The following MTAP variants were observed in gnomAD, a reference collection of about 807,000 sequenced individuals.
MTAP encodes methylthioadenosine phosphorylase.
MTAP carries 33 observed loss-of-function variants against 33.6 expected under a neutral mutation model. That is an observed-to-expected ratio of 0.98 (90% CI 0.74 to 1.31). The LOEUF is 1.31. Among genes scored for constraint, MTAP ranks in the 40% most tolerant of loss-of-function variants. MTAP has a pLI of 0.00. For synonymous variants in MTAP, 148 were observed against 125.7 expected, an observed-to-expected ratio of 1.18 and a Z score of -1.19; for missense variants, 367 against 360.0, an observed-to-expected ratio of 1.02 and a Z score of -0.16.
At chr9:21,886,505 C>G (rs763720593) in intron 1 of MTAP, among the ~76,000 whole-genome samples, 17 of 152,118 alleles carry the variant, frequency 1.1e-4, no homozygotes, top group Non-Finnish European at 2.2e-4. Context: ...CTTTTGGGTT[C>G]TTCGTCATGA....
At chr9:21,803,501 T>C (rs1824123266) in intron 1 of MTAP, 1 of 152,212 alleles carries the variant, frequency 6.6e-6, no homozygotes, top group Admixed American at 6.6e-5. Flanking sequence ...TAGAGTTCAA[T>C]TTCCTTGTGC....
intron 1 of MTAP, among the ~76,000 whole-genome samples, chr9:21,903,784 C>T (rs1292557681): frequency 6.6e-6 from 1 of 152,068 alleles, no homozygotes; most frequent in East Asian, 1.9e-4. Context: ...TGCGGAGCTC[C>T]GACCCCATGG....
At chr9:21,808,605 AACACAC>A (rs567662513) in intron 1 of MTAP, among the ~76,000 whole-genome samples, 3 of 146,914 alleles carry the variant, frequency 2.0e-5, no homozygotes, top group East Asian at 2.0e-4. Flanking sequence ...AAAAAAAAAA[AACACAC>A]ACACACACAC....
In MTAP at chr9:21,864,396, T is replaced by G; in HGVS notation, c.*2382T>G. On this transcript the variant is annotated 3_prime_UTR_variant, in exon 8 of 8. Coordinates refer to ENST00000644715, the MANE Select transcript of MTAP (RefSeq NM_002451.4). ...CTAGTATACTAAGTGAACACCATGG[T>G]CAGTTGTGAGCATTTTGGTTTCCGC... is the stretch of plus-strand genomic sequence containing the variant. 1.0e-6 allele frequency: 1 copy of G among 985,250 alleles called. No individual in the cohort carries two copies. Among genetic ancestry groups the G allele is most frequent in the Non-Finnish European group, 1.2e-6 (1 of 829,894 alleles). The allele number at this position is 985,250 out of a possible 1,614,324, so 61.0% of individuals were successfully genotyped here. A position where few individuals can be genotyped will look rare whatever the true frequency, so the allele number is the denominator to read the frequency against.
At chr9:21,823,876 C>A (rs944835652) in intron 4 of MTAP, among the ~76,000 whole-genome samples, 5 of 152,182 alleles carry the variant, frequency 3.3e-5, no homozygotes. Flanking sequence ...ATCACTGATA[C>A]CCTTTCTTCC....
chr9:21,831,112 A>C (rs1260141366), intron 4 of MTAP, among the ~76,000 whole-genome samples: 1 of 152,140 alleles, frequency 6.6e-6, no homozygotes, highest in East Asian at 1.9e-4. Context: ...ATTCATTTGT[A>C]TGTATGGCAG....
rs1358844452 is a variant in MTAP, at chr9:21,862,727, G to A, written c.*713G>A. 1.3e-5 allele frequency: 2 copies of A among 159,574 alleles called. No individual in the cohort carries two copies. Among genetic ancestry groups the A allele is most frequent in the East Asian group, 3.8e-4 (2 of 5,212 alleles). The allele number at this position is 159,574 out of a possible 1,614,324, so 9.9% of individuals were successfully genotyped here. A position where few individuals can be genotyped will look rare whatever the true frequency, so the allele number is the denominator to read the frequency against. ...TTGCTCTATATATGAAGTGAAAAAA[G>A]GATATGGTAGCATTTTATAGTACTA... On this transcript the variant is annotated 3_prime_UTR_variant, in exon 8 of 8. Transcript: ENST00000644715.
chr9:21,874,837 T>C (rs1825983013), intron 1 of MTAP, among the ~76,000 whole-genome samples: 1 of 152,062 alleles, frequency 6.6e-6, no homozygotes, highest in South Asian at 2.1e-4. Flanking sequence ...CCTAATGCTA[T>C]CCCTCCCCTA....
intron 1 of MTAP, among the ~76,000 whole-genome samples, chr9:21,875,924 T>C (rs960991744): frequency 6.6e-5 from 10 of 152,182 alleles, no homozygotes; most frequent in Admixed American, 3.3e-4. Context: ...ATGGTAGTTC[T>C]ATTTTTAGCT....
chr9:21,934,106 A>C (rs1819005673), downstream of MTAP: 1 of 152,188 alleles, frequency 6.6e-6, no homozygotes. This position sits in a 1 kb window ranked among gnomAD's most constrained non-coding sequence, Gnocchi z 5.0. Context: ...ATTTATAGAC[A>C]AAAAAAGGGA....
At chr9:21,861,760 T>G (rs1297084194) in intron 7 of MTAP, 1 of 582,088 alleles carries the variant, frequency 1.7e-6, no homozygotes, top group East Asian at 2.9e-5. Context: ...TTAACCTCAC[T>G]TTACAGGAAA....
intron 4 of MTAP, among the ~76,000 whole-genome samples, chr9:21,825,087 C>A (rs1458756257): frequency 3.3e-5 from 5 of 152,128 alleles, no homozygotes; most frequent in Non-Finnish European, 7.4e-5. Flanking sequence ...GGCTCACACT[C>A]GATGGGCTGC....
intron 1 of MTAP, among the ~76,000 whole-genome samples, chr9:21,910,158 A>G (rs1244921181): frequency 6.6e-6 from 1 of 152,182 alleles, no homozygotes; most frequent in African/African-American, 2.4e-5. Flanking sequence ...ATATTGTTTG[A>G]AAGGAAATCC....
At chr9:21,837,833 C>G in intron 4 of MTAP, 75 bp from the exon 5 acceptor site, 1 of 1,184,442 alleles carries the variant, frequency 8.4e-7, no homozygotes, top group Non-Finnish European at 1.2e-6. Flanking sequence ...ATAAAGTTGA[C>G]TCACCAGCCC....
chr9:21,822,029 T>C (rs868730981), intron 4 of MTAP, among the ~76,000 whole-genome samples: 5 of 152,222 alleles, frequency 3.3e-5, no homozygotes, highest in African/African-American at 7.2e-5. Context: ...TTTTCTTCTT[T>C]ATTAGTCTTG....
At chr9:21,803,036 A>ACACACACACACACACACACACACACG (rs1020757334) in intron 1 of MTAP, 1 of 1,038,742 alleles carries the variant, frequency 9.6e-7, no homozygotes, top group African/African-American at 1.8e-5. Flanking sequence ...ACACACACAC[A>ACACACACACACACACACACACACACG]CCACCTTTTG....
At chr9:21,820,447 G>A (rs1334852783) in intron 4 of MTAP, among the ~76,000 whole-genome samples, 4 of 152,134 alleles carry the variant, frequency 2.6e-5, no homozygotes, top group Non-Finnish European at 5.9e-5. Flanking sequence ...CAGATCAGAT[G>A]CTTGTAGATG....
chr9:21,899,110 A>G (rs1334962704), intron 1 of MTAP, among the ~76,000 whole-genome samples: 2 of 151,826 alleles, frequency 1.3e-5, no homozygotes, highest in Non-Finnish European at 2.9e-5. Flanking sequence ...GGAAACCATC[A>G]TTCTCAGCAA....
intron 1 of MTAP, among the ~76,000 whole-genome samples, chr9:21,926,216 G>C (rs962493142): frequency 6.6e-6 from 1 of 152,166 alleles, no homozygotes; most frequent in Non-Finnish European, 1.5e-5. Flanking sequence ...AGCTAACCTT[G>C]TAGAAGGCAG....
Sources: allele counts gnomAD v4.1 joint callset (sites outside exome capture counted in the v4.1 genomes callset), GRCh38; gene constraint gnomAD v4.1.1; non-coding constraint Gnocchi (gnomAD v3.1); transcripts MANE v1.5; gene names NCBI Gene and HGNC (gene_info 2026-07-23, HGNC 2026-07-21).